TRDN: variants seen among roughly 807,000 people sequenced by gnomAD.
TRDN encodes triadin, also known as triadin in skeletal muscle.
TRDN carries 161 observed loss-of-function variants against 149.7 expected under a neutral mutation model. The observed-to-expected ratio is 1.08, with a 90% CI of 0.95 to 1.23. The LOEUF (loss-of-function observed/expected upper bound fraction) is 1.23. TRDN is among the 50% of genes most tolerant of loss of function. The pLI, the probability that TRDN is intolerant of heterozygous loss-of-function variation, is 0.00. For synonymous variants in TRDN, 294 were observed against 250.5 expected (o/e 1.17, Z -1.64); for missense variants, 896 against 823.5 (o/e 1.09, Z -1.08).
chr6:123,594,621 T>C (rs1783942306), intron 1 of TRDN, among the ~76,000 whole-genome samples: 1 of 52,494 alleles, frequency 1.9e-5, no homozygotes, highest in African/African-American at 7.0e-5. Flanking sequence ...CCAAACAGAA[T>C]GAAATTCTGG....
intron 9 of TRDN, chr6:123,470,450 C>T (rs553453854): frequency 6.6e-6 from 1 of 152,208 alleles, no homozygotes; most frequent in East Asian, 1.9e-4. Context: ...AGGGCCATAT[C>T]ATGGAGCTTA....
At chr6:123,541,566 A>C (rs941562657) in intron 4 of TRDN, among the ~76,000 whole-genome samples, 67 of 152,230 alleles carry the variant, frequency 4.4e-4, no homozygotes, top group African/African-American at 1.6e-3. Context: ...GGTCTGCTCC[A>C]TGCTTGGGAA....
At chr6:123,366,215 G>T (rs576565755) in intron 19 of TRDN, 33 bp from the exon 20 acceptor site, 2 of 1,591,530 alleles carry the variant, frequency 1.3e-6, no homozygotes. Context: ...AATGAGAAGT[G>T]GATATTAGTG....
intron 10 of TRDN, 101 bp downstream of exon 10, chr6:123,464,805 T>A (rs1776689820): frequency 2.7e-6 from 4 of 1,504,496 alleles, no homozygotes; most frequent in Non-Finnish European, 3.5e-6. Flanking sequence ...TAAGAAAATA[T>A]TGGATTTTGC....
At chr6:123,302,241 T>C (rs772968921) in intron 24 of TRDN, among the ~76,000 whole-genome samples, 3 of 152,096 alleles carry the variant, frequency 2.0e-5, no homozygotes, top group Non-Finnish European at 1.5e-5. Flanking sequence ...TGAGTATCGA[T>C]GCATACTGTT....
chr6:123,278,698 A>C (rs911313147), intron 25 of TRDN, among the ~76,000 whole-genome samples: 1 of 152,192 alleles, frequency 6.6e-6, no homozygotes, highest in Non-Finnish European at 1.5e-5. Context: ...TGAGGCTGGT[A>C]GGCAGAGGTT....
intron 13 of TRDN, among the ~76,000 whole-genome samples, chr6:123,393,071 C>T (rs908573721): frequency 7.2e-5 from 11 of 151,928 alleles, no homozygotes; most frequent in African/African-American, 2.7e-4. Flanking sequence ...CAAATTAATC[C>T]TCATGGTGTG....
At chr6:123,219,006 A>C (rs1775045231) in intron 40 of TRDN, among the ~76,000 whole-genome samples, 1 of 151,930 alleles carries the variant, frequency 6.6e-6, no homozygotes, top group South Asian at 2.1e-4. Context: ...ATAAGCCTTT[A>C]ATAAGTGATA....
At chr6:123,272,475 A>G (rs9372741) in intron 29 of TRDN, among the ~76,000 whole-genome samples, 27,533 of 151,612 alleles carry the variant, frequency 0.18, 3,135 homozygotes, top group East Asian at 0.54. Flanking sequence ...TCTACTTTCT[A>G]CAAAATGCAA....
intron 20 of TRDN, among the ~76,000 whole-genome samples, chr6:123,356,503 TTATATATATATATATATA>T (rs71021444): frequency 0.019 from 2,082 of 106,912 alleles, 51 homozygotes; most frequent in East Asian, 0.073. Flanking sequence ...TACAAGAAGT[TTATATATATATATATATA>T]TATATATATA....
At chr6:123,443,515 G>A (rs1242045224) in intron 10 of TRDN, among the ~76,000 whole-genome samples, 1 of 152,052 alleles carries the variant, frequency 6.6e-6, no homozygotes. Flanking sequence ...AGGCCTGGCT[G>A]GGCACGGTGG....
chr6:123,606,797 G>A (rs1168103451), intron 1 of TRDN, among the ~76,000 whole-genome samples: 1 of 152,082 alleles, frequency 6.6e-6, no homozygotes, highest in Non-Finnish European at 1.5e-5. Context: ...TAAATTATGG[G>A]TTAGATGTGC....
At chr6:123,402,650 A>G (rs951936105) in intron 12 of TRDN, among the ~76,000 whole-genome samples, 1 of 152,174 alleles carries the variant, frequency 6.6e-6, no homozygotes, top group African/African-American at 2.4e-5. Flanking sequence ...AGTGTTTTGA[A>G]GAGATAAAAG....
chr6:123,278,265 C>T (rs1777447864), intron 26 of TRDN, 53 bp downstream of exon 26: 3 of 1,159,866 alleles, frequency 2.6e-6, no homozygotes, highest in Admixed American at 3.4e-5. Context: ...AGATATTGTG[C>T]TATTTATTCT....
intron 1 of TRDN, among the ~76,000 whole-genome samples, chr6:123,612,774 T>A (rs1784884802): frequency 6.6e-6 from 1 of 152,192 alleles, no homozygotes; most frequent in African/African-American, 2.4e-5. Context: ...TACCAGTGCG[T>A]GGAAATATTT....
intron 6 of TRDN, among the ~76,000 whole-genome samples, chr6:123,513,313 C>T (rs1779262899): frequency 6.6e-6 from 1 of 152,158 alleles, no homozygotes; most frequent in East Asian, 1.9e-4. Flanking sequence ...TCCTAAAAAG[C>T]AAACATCCTT....
intron 24 of TRDN, among the ~76,000 whole-genome samples, chr6:123,280,816 A>G (rs1348488677): frequency 6.6e-6 from 1 of 152,016 alleles, no homozygotes; most frequent in Admixed American, 6.6e-5. Context: ...GCAAGTATCA[A>G]CTTAAGTGAA....
intron 4 of TRDN, among the ~76,000 whole-genome samples, chr6:123,542,193 A>G (rs891240352): frequency 2.0e-5 from 3 of 152,232 alleles, no homozygotes; most frequent in Non-Finnish European, 4.4e-5. Flanking sequence ...ACATGCATCA[A>G]GTACAATCTC....
intron 10 of TRDN, among the ~76,000 whole-genome samples, chr6:123,444,754 C>T (rs1450373158): frequency 1.3e-5 from 2 of 152,104 alleles, no homozygotes; most frequent in African/African-American, 4.8e-5. Flanking sequence ...TGTCAAAGGC[C>T]TTTTCTGCAT....
Sources: allele counts gnomAD v4.1 joint callset (sites outside exome capture counted in the v4.1 genomes callset), GRCh38; gene constraint gnomAD v4.1.1; transcripts MANE v1.5; gene names NCBI Gene and HGNC (gene_info 2026-07-23, HGNC 2026-07-21).